FAT3: variants seen among roughly 807,000 people sequenced by gnomAD.
FAT3 encodes the protein FAT atypical cadherin 3.
In FAT3, 95 loss-of-function variants were observed where a neutral mutation model predicts 310.2. That is an observed-to-expected ratio of 0.31 (90% confidence interval 0.26 to 0.36). FAT3 has a LOEUF of 0.36. Ranked by LOEUF, FAT3 falls within the 10% of genes least tolerant of loss-of-function variation. The probability of loss-of-function intolerance (pLI) is 1.00; values close to 1 mark genes in which losing one functional copy is unlikely to be tolerated. For missense variants in FAT3, 5,408 were observed against 5,715.6 expected, an observed-to-expected ratio of 0.95 and a Z score of 1.74; for synonymous variants, 2,314 against 2,192.9, an observed-to-expected ratio of 1.06 and a Z score of -1.54.
intron 2 of FAT3, 78 bp downstream of exon 2, chr11:92,355,482 A>G (rs1282833207): frequency 4.4e-6 from 6 of 1,379,298 alleles, no homozygotes; most frequent in Non-Finnish European, 6.0e-6. Context: ...AAGGGATGTT[A>G]GGACACTAAA....
chr11:92,515,554 GT>G lies in FAT3; in HGVS notation c.3293-9075del, dbSNP rs1466054364. On this transcript the variant is annotated intron_variant, in intron 2 of 27. Coordinates refer to ENST00000525166, the MANE Select transcript of FAT3 (RefSeq NM_001367949.2). ...AAATATTGATTAAATAGACAATATG[GT>G]TTTTGTTAACAACTGGTCTTGAGTC... Among the ~76,000 whole-genome samples, 18 of 152,182 alleles carry G rather than the reference GT, an allele frequency of 1.2e-4. No individual in the cohort carries two copies. The South Asian group carries it at 3.7e-3, about 32-fold the overall frequency.
In FAT3 at chr11:92,792,773, G is replaced by A; in HGVS notation, c.4618G>A (p.Asp1540Asn). Residue 1540 changes from aspartate (D) to asparagine (N), a missense_variant, in exon 9 of 28, where the codon GAT becomes AAT. Physicochemically the swap from Asp to Asn is conservative, Grantham distance 23. Around this residue, in one of 5 missense-constraint regions of FAT3, gnomAD observed 4,588 missense variants for 4,809.8 expected, o/e 0.95. Coordinates refer to ENST00000525166, the MANE Select transcript of FAT3 (RefSeq NM_001367949.2). ...TCTTGTATTTTGCCTAAAGGTCAGA[G>A]ATCAGGAGTTTCCTTATCGAAGAAA... ...DKHILNIMVR[D>N]QEFPYRRNLA... 1 of 1,613,692 alleles carries A rather than the reference G, an allele frequency of 6.2e-7. No homozygotes were observed.
chr11:92,838,516 G>A (rs1948461094), intron 17 of FAT3, among the ~76,000 whole-genome samples: 1 of 152,172 alleles, frequency 6.6e-6, no homozygotes, highest in Admixed American at 6.5e-5. Context: ...ATTTCTAGGA[G>A]CTGAAAGCCC....
intron 1 of FAT3, among the ~76,000 whole-genome samples, chr11:92,281,017 C>T (rs1407907026): frequency 6.6e-6 from 1 of 152,090 alleles, no homozygotes; most frequent in East Asian, 1.9e-4. Flanking sequence ...TTTATTGCTA[C>T]TACTTATAAT....
At chr11:92,476,064 T>TGA (rs1330100614) in intron 2 of FAT3, among the ~76,000 whole-genome samples, 6 of 151,620 alleles carry the variant, frequency 4.0e-5, no homozygotes, top group Admixed American at 2.0e-4. Flanking sequence ...AGTGAGTGTG[T>TGA]GAGTGTGTGT....
intron 22 of FAT3, among the ~76,000 whole-genome samples, chr11:92,868,439 G>A (rs1565664525): frequency 6.6e-6 from 1 of 152,264 alleles, no homozygotes; most frequent in African/African-American, 2.4e-5. Context: ...GGTTGTTATG[G>A]TGCCATAATT....
At chr11:92,487,280 T>C (rs1293761006) in intron 2 of FAT3, among the ~76,000 whole-genome samples, 1 of 152,184 alleles carries the variant, frequency 6.6e-6, no homozygotes, top group Non-Finnish European at 1.5e-5. Flanking sequence ...GGTTGGTAGC[T>C]GCTCACTTCT....
chr11:92,583,978 A>T (rs1938989747), intron 3 of FAT3, among the ~76,000 whole-genome samples: 1 of 152,066 alleles, frequency 6.6e-6, no homozygotes, highest in Non-Finnish European at 1.5e-5. Flanking sequence ...TTCTGTGGCA[A>T]TGCAAAGATT....
intron 1 of FAT3, among the ~76,000 whole-genome samples, chr11:92,293,512 TTA>T (rs1195340265): frequency 0.11 from 7,496 of 67,436 alleles, 204 homozygotes; most frequent in East Asian, 0.22. Flanking sequence ...GAACCTCAGA[TTA>T]TATATATATA....
intron 2 of FAT3, among the ~76,000 whole-genome samples, chr11:92,456,354 AAGTGACCT>A (rs1951492018): frequency 6.6e-6 from 1 of 152,220 alleles, no homozygotes; most frequent in African/African-American, 2.4e-5. Context: ...ATGAAATAAT[AAGTGACCT>A]ATGATTCATT....
chr11:92,490,540 T>C (rs774672055), intron 2 of FAT3, among the ~76,000 whole-genome samples: 1 of 152,026 alleles, frequency 6.6e-6, no homozygotes, highest in Non-Finnish European at 1.5e-5. Flanking sequence ...GGGGTTTTTG[T>C]TTGTTTGTTT....
intron 2 of FAT3, among the ~76,000 whole-genome samples, chr11:92,402,731 CAAA>C (rs545875608): frequency 3.2e-5 from 4 of 124,002 alleles, no homozygotes; most frequent in South Asian, 2.8e-4. Context: ...GACCCCCTCT[CAAA>C]AAAAAAAAGA....
Position 92,799,484 on chromosome 11 carries a change from C to T in FAT3, c.6471C>T (p.Thr2157=), listed in dbSNP as rs1456522744. The T allele has an allele frequency of 1.2e-6, 2 of 1,613,494 alleles. No individual in the cohort carries two copies. Among genetic ancestry groups the T allele is most frequent in the Admixed American group, 1.7e-5 (1 of 59,950 alleles). The change falls in exon 10 of 28, where the codon ACC becomes ACT. Residue 2157 remains threonine, a synonymous_variant. Transcript: ENST00000525166. ...SDLSNIEYGV[T]ILAKDGGKPS... is the part of the protein sequence containing the mutation. ...TGTCCAACATTGAGTATGGAGTCAC[C>T]ATCCTAGCCAAGGATGGCGGAAAAC...
intron 1 of FAT3, among the ~76,000 whole-genome samples, chr11:92,258,743 C>T (rs550272671): frequency 6.6e-6 from 1 of 152,076 alleles, no homozygotes; most frequent in Middle Eastern, 3.4e-3. Flanking sequence ...TGGAGGCAGG[C>T]CGTGTACACA....
chr11:92,301,331 T>C (rs1375601803), intron 1 of FAT3, among the ~76,000 whole-genome samples: 3 of 152,132 alleles, frequency 2.0e-5, no homozygotes, highest in Admixed American at 1.3e-4. Flanking sequence ...GTGGATAAGC[T>C]TGTGATTGGG....
At position 92,891,744 on chromosome 11, in the gene FAT3, A is replaced by G. The variant is rs1949921851; in HGVS notation, c.*631A>G. 1.3e-5 allele frequency: 2 copies of G among 154,776 alleles called. No homozygotes were observed. The highest frequency in any genetic ancestry group is 1.3e-4 in the Admixed American group (2 of 15,938). 9.6% of individuals were successfully genotyped at this position (154,776 alleles called of 1,614,324 possible). A position where few individuals can be genotyped will look rare whatever the true frequency, so the allele number is the denominator to read the frequency against. The stretch of plus-strand genomic sequence containing the variant: ...TCTGTTTGTTTGTGTTAAGCATCCA[A>G]TCTAATATAGTTGGGTTTTATGATC... On this transcript the variant is annotated 3_prime_UTR_variant, in exon 28 of 28. Transcript: ENST00000525166.
intron 4 of FAT3, among the ~76,000 whole-genome samples, chr11:92,705,797 GTGT>G (rs1356436652): frequency 1.8e-5 from 1 of 55,602 alleles, no homozygotes; most frequent in Non-Finnish European, 3.8e-5. Flanking sequence ...TGGTGTGATG[GTGT>G]TGGTGTTGGT....
chr11:92,793,043 T>C, intron 9 of FAT3, 66 bp downstream of exon 9: 4 of 1,499,118 alleles, frequency 2.7e-6, no homozygotes, highest in Non-Finnish European at 3.6e-6. Context: ...GTAGTATTTA[T>C]CACCATGTAA....
At chr11:92,385,863 T>C (rs1159273630) in intron 2 of FAT3, among the ~76,000 whole-genome samples, 1 of 152,036 alleles carries the variant, frequency 6.6e-6, no homozygotes, top group Non-Finnish European at 1.5e-5. Flanking sequence ...GAAAATAAAA[T>C]TGGTCAGGTG....
Sources: gnomAD v4.1 joint callset for allele counts (sites outside exome capture counted in the v4.1 genomes callset) on GRCh38, gnomAD v4.1.1 for gene constraint, gnomAD v4.1.1 regional missense constraint, MANE v1.5 for transcripts, NCBI Gene and HGNC (gene_info 2026-07-23, HGNC 2026-07-21) for gene names.